The following CLTC variants were observed in gnomAD, a reference collection of about 807,000 sequenced individuals.
CLTC encodes the protein clathrin heavy chain.
Under a neutral mutation model 195.8 loss-of-function variants are expected in CLTC, and 16 were observed. The observed-to-expected ratio is 0.08, with a 90% CI of 0.06 to 0.12. The LOEUF is 0.12. Ranked by LOEUF, CLTC falls within the 10% of genes least tolerant of loss-of-function variation. CLTC has a pLI of 1.00. For missense variants in CLTC, 796 were observed against 2,027.0 expected (o/e 0.39, Z 11.66); for synonymous variants, 667 against 689.4 (o/e 0.97, Z 0.51).
chr17:59,691,623 TAA>T (rs112657594), intron 31 of CLTC, among the ~76,000 whole-genome samples: 3 of 140,748 alleles, frequency 2.1e-5, no homozygotes, highest in East Asian at 2.1e-4. Context: ...GACTCCGCCT[TAA>T]AAAAAAAATA....
intron 14 of CLTC, among the ~76,000 whole-genome samples, 156 bp downstream of exon 14, chr17:59,669,096 G>C (rs2032790526): frequency 6.6e-6 from 1 of 151,940 alleles, no homozygotes; most frequent in Non-Finnish European, 1.5e-5. Flanking sequence ...ATAATATTCT[G>C]TGGTTTCCTT....
At position 59,680,908 on chromosome 17, in the gene CLTC, G is replaced by C. The variant is rs1330573968; in HGVS notation, c.2920-4G>C. The C allele has an allele frequency of 1.9e-6, 3 of 1,611,236 alleles. No individual in the cohort carries two copies. The highest frequency in any genetic ancestry group is 2.5e-6 in the Non-Finnish European group (3 of 1,178,724). The stretch of plus-strand genomic sequence containing the variant: ...AGTACTTATGTCCCATATATCCTCT[G>C]TAGGTTGTACAAACAGCTTTGTCTG... On this transcript the variant is annotated splice_region_variant and splice_polypyrimidine_tract_variant and intron_variant, in intron 18 of 31. Transcript: ENST00000269122.
intron 14 of CLTC, among the ~76,000 whole-genome samples, chr17:59,673,403 T>G (rs2143572376): frequency 6.6e-6 from 1 of 152,322 alleles, no homozygotes; most frequent in Middle Eastern, 3.4e-3. Context: ...TTACTCTTGT[T>G]TTTTGGTAAA....
chr17:59,645,467 A>G (rs1218060271), intron 2 of CLTC, among the ~76,000 whole-genome samples: 2 of 152,196 alleles, frequency 1.3e-5, no homozygotes, highest in African/African-American at 4.8e-5. Flanking sequence ...GAATGAGACT[A>G]ATTGACCCTT....
chr17:59,661,677 G>C, intron 8 of CLTC, 34 bp downstream of exon 8: 1 of 1,587,348 alleles, frequency 6.3e-7, no homozygotes, highest in Admixed American at 1.7e-5. Flanking sequence ...ATCTTGCTTT[G>C]GTTGCATTAA....
At chr17:59,670,466 C>T (rs1461569556) in intron 14 of CLTC, among the ~76,000 whole-genome samples, 1 of 151,948 alleles carries the variant, frequency 6.6e-6, no homozygotes, top group Non-Finnish European at 1.5e-5. Context: ...TCAGTAGGCC[C>T]CAGTGTCTGT....
chr17:59,658,331 C>T (rs1356370815), intron 6 of CLTC, among the ~76,000 whole-genome samples: 1 of 152,208 alleles, frequency 6.6e-6, no homozygotes, highest in Non-Finnish European at 1.5e-5. Context: ...AGCCACCACG[C>T]CTCGCCACTT....
rs35359110 is a variant in CLTC at position 59,685,408 on chromosome 17, GA to G, written c.4606-171del. Among the ~76,000 whole-genome samples, 27 of 151,558 alleles carry G rather than the reference GA, an allele frequency of 1.8e-4. No individual in the cohort carries two copies. The highest frequency in any genetic ancestry group is 5.3e-4 in the African/African-American group (22 of 41,406). Reference sequence around the variant, plus strand: ...TATGTTAAGGTCAAACTTGTCTGGGGAAAAAAAAGCTTTTAGCTTATCTCTT... The same window carrying G: ...TATGTTAAGGTCAAACTTGTCTGGGGAAAAAAAGCTTTTAGCTTATCTCTT... On this transcript the variant is annotated intron_variant, in intron 29 of 31. Transcript: ENST00000269122. The surrounding 1 kb of genome is among the most constrained non-coding windows in gnomAD (Gnocchi z 5.0).
chr17:59,668,358 C>T (rs2032776603), intron 13 of CLTC, among the ~76,000 whole-genome samples: 1 of 152,154 alleles, frequency 6.6e-6, no homozygotes, highest in East Asian at 1.9e-4. Flanking sequence ...ACCAGCCTGG[C>T]TAGCATAGCA....
intron 30 of CLTC, 76 bp from the exon 31 acceptor site, chr17:59,690,560 C>T (rs570424394): frequency 2.0e-6 from 2 of 984,728 alleles, no homozygotes; most frequent in Non-Finnish European, 3.2e-6. Flanking sequence ...CATACTAAGG[C>T]TTTTCCACTT....
Position 59,696,275 on chromosome 17 carries a change from TGTGCGAA to T in CLTC, c.*2427_*2433del, listed in dbSNP as rs539246959. On this transcript the variant is annotated 3_prime_UTR_variant, in exon 32 of 32. Transcript: ENST00000269122. ...TTTTTCTCCTGTGCTGTCATATGCCTGTGCGAAGTGTATTAAATGAATCAAATATTAG... is the reference window on the plus strand; with the variant it reads ...TTTTTCTCCTGTGCTGTCATATGCCTGTGTATTAAATGAATCAAATATTAG... 90 of 222,086 alleles carry T rather than the reference TGTGCGAA, an allele frequency of 4.1e-4. 2 individuals carry two copies. The South Asian group carries it at 0.016, about 39-fold the overall frequency. The allele number at this position is 222,086 out of a possible 1,614,324, so 13.8% of individuals were successfully genotyped here.
In CLTC at chr17:59,685,257, T is replaced by C; in HGVS notation, c.4605+31T>C. 6.4e-7 allele frequency: 1 copy of C among 1,551,066 alleles called. No homozygotes were observed. Among genetic ancestry groups the C allele is most frequent in the Non-Finnish European group, 8.7e-7 (1 of 1,143,852 alleles). Reference sequence around the variant, plus strand: ...TAAAGTTGCGGGGCAGGGGCTGTTTTAAACCAGGCCTAAAATGGTGTTACA... The same window carrying C: ...TAAAGTTGCGGGGCAGGGGCTGTTTCAAACCAGGCCTAAAATGGTGTTACA... On this transcript the variant is annotated intron_variant, in intron 29 of 31. Transcript: ENST00000269122. This position sits in a 1 kb window ranked among gnomAD's most constrained non-coding sequence, Gnocchi z 5.0.
chr17:59,691,623 TAAAA>T (rs112657594), intron 31 of CLTC, among the ~76,000 whole-genome samples: 1 of 140,756 alleles, frequency 7.1e-6, no homozygotes, highest in Non-Finnish European at 1.5e-5. Context: ...GACTCCGCCT[TAAAA>T]AAAAAATATA....
At chr17:59,674,187 A>C (rs1021624080) in intron 15 of CLTC, among the ~76,000 whole-genome samples, 3 of 152,138 alleles carry the variant, frequency 2.0e-5, no homozygotes, top group Non-Finnish European at 4.4e-5. Context: ...AAAATATAAG[A>C]ATAGAACTGC....
At chr17:59,643,574 T>C (rs1302335128) in intron 1 of CLTC, among the ~76,000 whole-genome samples, 1 of 152,188 alleles carries the variant, frequency 6.6e-6, no homozygotes, top group Non-Finnish European at 1.5e-5. Flanking sequence ...CCTTGCTCAT[T>C]TCTCTAACCT....
intron 28 of CLTC, chr17:59,684,188 AC>A (rs2033132113): frequency 2.0e-6 from 1 of 496,568 alleles, no homozygotes; most frequent in Non-Finnish European, 3.6e-6. Context: ...TGTATAAGAT[AC>A]TGCTTTTGAA....
At chr17:59,625,351 T>G (rs1402472014) in intron 1 of CLTC, among the ~76,000 whole-genome samples, 1 of 152,112 alleles carries the variant, frequency 6.6e-6, no homozygotes, top group East Asian at 1.9e-4. Flanking sequence ...GGTCTCAATC[T>G]CTTGACCTCG....
rs1054343647 is a variant in CLTC, at chr17:59,681,134, A to G, written c.3065+77A>G. ...TATGGCCCATCAGTTTTGGGAAGGA[A>G]CAAAAAGATCAGAGAAAGTTGCCTG... On this transcript the variant is annotated intron_variant, in intron 19 of 31. Coordinates refer to ENST00000269122, the MANE Select transcript of CLTC (RefSeq NM_004859.4). The surrounding 1 kb of genome is among the most constrained non-coding windows in gnomAD (Gnocchi z 5.0). 2.6e-6 allele frequency: 4 copies of G among 1,534,134 alleles called. No individual in the cohort carries two copies. The highest frequency in any genetic ancestry group is 3.5e-6 in the Non-Finnish European group (4 of 1,130,858).
At chr17:59,680,548 A>G (rs2033061952) in intron 18 of CLTC, among the ~76,000 whole-genome samples, 1 of 152,166 alleles carries the variant, frequency 6.6e-6, no homozygotes, top group Admixed American at 6.5e-5. Flanking sequence ...ATGGTTGGAA[A>G]TCATTGCAGC....
Sources: allele counts gnomAD v4.1 joint callset (sites outside exome capture counted in the v4.1 genomes callset), GRCh38; gene constraint gnomAD v4.1.1; non-coding constraint Gnocchi (gnomAD v3.1); transcripts MANE v1.5; gene names NCBI Gene and HGNC (gene_info 2026-07-23, HGNC 2026-07-21).